The following MDGA2 variants were observed in gnomAD, a reference collection of about 807,000 sequenced individuals.
MDGA2 encodes the protein MAM domain-containing glycosylphosphatidylinositol anchor protein 2.
A neutral mutation model predicts 117.8 loss-of-function variants in MDGA2; 40 were observed. The ratio of observed to expected loss-of-function variants is 0.34; its 90% CI spans 0.26 to 0.44. MDGA2 has a LOEUF of 0.44. Ranked by LOEUF, MDGA2 falls within the 20% of genes least tolerant of loss-of-function variation. The pLI is 1.00. For missense variants in MDGA2, 1,123 were observed against 1,250.6 expected, an observed-to-expected ratio of 0.90 and a Z score of 1.54; for synonymous variants, 452 against 439.0, an observed-to-expected ratio of 1.03 and a Z score of -0.37.
chr14:46,908,477 G>T (rs546021817), intron 10 of MDGA2, among the ~76,000 whole-genome samples: 1 of 152,154 alleles, frequency 6.6e-6, no homozygotes, highest in Non-Finnish European at 1.5e-5. Flanking sequence ...GAAACATTTA[G>T]GAGTCTTAAC....
At chr14:47,192,111 G>A (rs1278278812) in intron 3 of MDGA2, among the ~76,000 whole-genome samples, 14 of 152,198 alleles carry the variant, frequency 9.2e-5, no homozygotes. Context: ...ATAAAGGCAA[G>A]GCAACGACAA....
At chr14:47,458,057 G>A (rs1893398577) in intron 1 of MDGA2, among the ~76,000 whole-genome samples, 2 of 148,634 alleles carry the variant, frequency 1.3e-5, no homozygotes, top group South Asian at 2.1e-4. Context: ...ATGACATATT[G>A]AGCATATACC....
At chr14:47,348,701 A>T (rs1280063590) in intron 1 of MDGA2, among the ~76,000 whole-genome samples, 1 of 152,208 alleles carries the variant, frequency 6.6e-6, no homozygotes, top group Non-Finnish European at 1.5e-5. Context: ...ACAGAGATGG[A>T]GACAGAGAGA....
At chr14:47,119,358 C>T (rs112004937) in intron 5 of MDGA2, among the ~76,000 whole-genome samples, 2 of 152,146 alleles carry the variant, frequency 1.3e-5, no homozygotes, top group Admixed American at 6.5e-5. Flanking sequence ...AGCCACCGGG[C>T]CCGGCCCTAC....
At chr14:46,856,827 C>T (rs1881285613) in intron 14 of MDGA2, among the ~76,000 whole-genome samples, 1 of 151,872 alleles carries the variant, frequency 6.6e-6, no homozygotes, top group Non-Finnish European at 1.5e-5. Flanking sequence ...AATTTATTTA[C>T]TCTACTGACT....
intron 3 of MDGA2, among the ~76,000 whole-genome samples, chr14:47,174,384 C>G (rs1414161259): frequency 1.3e-5 from 2 of 152,078 alleles, no homozygotes; most frequent in African/African-American, 2.4e-5. Context: ...CCAAAATTGA[C>G]CACATAGTTG....
intron 5 of MDGA2, among the ~76,000 whole-genome samples, chr14:47,112,765 G>T (rs1881113984): frequency 6.6e-6 from 1 of 152,092 alleles, no homozygotes; most frequent in Non-Finnish European, 1.5e-5. Context: ...CCAGTAATAG[G>T]ATTGCTGGGT....
intron 10 of MDGA2, among the ~76,000 whole-genome samples, chr14:46,915,357 G>A (rs1883859283): frequency 6.6e-6 from 1 of 152,052 alleles, no homozygotes; most frequent in African/African-American, 2.4e-5. Context: ...AATACTCGAG[G>A]TGATGGATAC....
chr14:47,564,383 C>T (rs932809663), intron 1 of MDGA2, among the ~76,000 whole-genome samples: 3 of 152,156 alleles, frequency 2.0e-5, no homozygotes, highest in Non-Finnish European at 4.4e-5. Flanking sequence ...TATGGTTCCA[C>T]GAGGCTGGGG....
At chr14:47,531,042 G>A (rs973137242) in intron 1 of MDGA2, among the ~76,000 whole-genome samples, 12 of 152,162 alleles carry the variant, frequency 7.9e-5, no homozygotes, top group Non-Finnish European at 1.2e-4. Context: ...TCAGGAGATT[G>A]AGACCATCCT....
At chr14:47,183,031 C>CA (rs1884771833) in intron 3 of MDGA2, among the ~76,000 whole-genome samples, 1 of 152,028 alleles carries the variant, frequency 6.6e-6, no homozygotes, top group East Asian at 1.9e-4. Flanking sequence ...AAATCCAGCT[C>CA]AAAAAACTGC....
intron 9 of MDGA2, among the ~76,000 whole-genome samples, chr14:46,947,633 C>A (rs1885220620): frequency 6.6e-6 from 1 of 152,000 alleles, no homozygotes; most frequent in East Asian, 1.9e-4. Flanking sequence ...CCTGCACAAG[C>A]TCCCTCTCTC....
At chr14:47,111,830 C>G (rs889801165) in intron 5 of MDGA2, among the ~76,000 whole-genome samples, 1 of 152,108 alleles carries the variant, frequency 6.6e-6, no homozygotes, top group African/African-American at 2.4e-5. Context: ...ATTAACCTAT[C>G]TTCCATATGT....
At chr14:46,907,532 G>A (rs1046301510) in intron 10 of MDGA2, among the ~76,000 whole-genome samples, 1 of 152,036 alleles carries the variant, frequency 6.6e-6, no homozygotes, top group Admixed American at 6.6e-5. Context: ...ATGAAACAGT[G>A]CCTACAGAAA....
intron 1 of MDGA2, among the ~76,000 whole-genome samples, chr14:47,574,069 T>C (rs1699318846): frequency 6.6e-6 from 1 of 152,146 alleles, no homozygotes; most frequent in African/African-American, 2.4e-5. Flanking sequence ...GCAAAAACAT[T>C]AGGTTATATA....
chr14:47,434,410 C>T (rs1892857961), intron 1 of MDGA2, among the ~76,000 whole-genome samples: 3 of 152,026 alleles, frequency 2.0e-5, no homozygotes, highest in South Asian at 2.1e-4. Context: ...TAATTTGTAG[C>T]ATTGTGAAAC....
At chr14:46,872,819 G>A (rs1486448295) in intron 14 of MDGA2, among the ~76,000 whole-genome samples, 1 of 151,830 alleles carries the variant, frequency 6.6e-6, no homozygotes, top group Non-Finnish European at 1.5e-5. Context: ...GAGTTTACTA[G>A]GTCTACTCTC....
At chr14:47,105,668 G>A (rs2139025861) in intron 5 of MDGA2, among the ~76,000 whole-genome samples, 1 of 151,354 alleles carries the variant, frequency 6.6e-6, no homozygotes, top group African/African-American at 2.4e-5. Context: ...GGTCTGAGGT[G>A]CCTGACGTCC....
intron 7 of MDGA2, among the ~76,000 whole-genome samples, chr14:47,057,372 C>T (rs1889715728): frequency 6.6e-6 from 1 of 151,844 alleles, no homozygotes; most frequent in South Asian, 2.1e-4. Flanking sequence ...ATTGTAAGCT[C>T]CTTAAGGGCA....
Sources: gnomAD v4.1 joint callset for allele counts (sites outside exome capture counted in the v4.1 genomes callset) on GRCh38, gnomAD v4.1.1 for gene constraint, MANE v1.5 for transcripts, NCBI Gene and HGNC (gene_info 2026-07-23, HGNC 2026-07-21) for gene names.